Variants in RYR3 observed in about 807,000 individuals in gnomAD.
RYR3 encodes brain ryanodine receptor-calcium release channel.
In RYR3, 207 loss-of-function variants were observed where a neutral mutation model predicts 584.3. The observed-to-expected ratio is 0.35, with a 90% CI of 0.32 to 0.40. RYR3 has a LOEUF of 0.40. RYR3 is among the 10% of genes least tolerant of loss of function. The probability of loss-of-function intolerance (pLI) is 1.00; values close to 1 mark genes in which losing one functional copy is unlikely to be tolerated. For missense variants in RYR3, 5,616 were observed against 6,089.2 expected (o/e 0.92, Z 2.59); for synonymous variants, 2,416 against 2,248.5 (o/e 1.07, Z -2.11).
At chr15:33,397,888 C>T (rs1010388237) in intron 1 of RYR3, among the ~76,000 whole-genome samples, 2 of 152,040 alleles carry the variant, frequency 1.3e-5, no homozygotes, top group African/African-American at 4.8e-5. Context: ...GTAATGAGGC[C>T]TATTTGATCT....
chr15:33,662,411 C>G lies in RYR3; in HGVS notation c.4881C>G (p.Asn1627Lys), dbSNP rs377533503. Residue 1627 changes from asparagine (N) to lysine (K), a missense_variant, in exon 35 of 104, where the codon AAC (asparagine) becomes AAG (lysine). Asn to Lys is a moderately conservative substitution (Grantham distance 94). Transcript: ENST00000634891. Reference protein sequence around the residue: ...SAKERKLMMKNEYIIPITSTT... With the variant: ...SAKERKLMMKKEYIIPITSTT... Reference sequence around the variant, plus strand: ...AGGAGAGGAAGCTGATGATGAAGAACGAGTACATCATCCCCATTACCAGCA... The same window carrying G: ...AGGAGAGGAAGCTGATGATGAAGAAGGAGTACATCATCCCCATTACCAGCA... 8 of 1,613,890 alleles carry G rather than the reference C, an allele frequency of 5.0e-6. No homozygotes were observed. In the Middle Eastern group the frequency reaches 4.9e-4, roughly 100 times the overall value.
chr15:33,378,641 G>A (rs1007985109), intron 1 of RYR3, among the ~76,000 whole-genome samples: 2 of 152,236 alleles, frequency 1.3e-5, no homozygotes, highest in African/African-American at 4.8e-5. Context: ...GTCATCAGAA[G>A]TTATTATTAG....
chr15:33,425,864 A>G (rs2596225), intron 1 of RYR3, among the ~76,000 whole-genome samples: 115,698 of 151,822 alleles, frequency 0.76, 44,901 homozygotes, highest in African/African-American at 0.92. Context: ...GGATGGTCTC[A>G]ATCTCCTGAC....
At chr15:33,433,505 T>C (rs1481303308) in intron 1 of RYR3, among the ~76,000 whole-genome samples, 1 of 152,154 alleles carries the variant, frequency 6.6e-6, no homozygotes, top group Non-Finnish European at 1.5e-5. Context: ...CTCAAAGAAA[T>C]TAAAGGACAA....
At chr15:33,566,021 G>A (rs976795530) in intron 11 of RYR3, among the ~76,000 whole-genome samples, 3 of 152,218 alleles carry the variant, frequency 2.0e-5, no homozygotes, top group Non-Finnish European at 4.4e-5. Context: ...TCTATTTGCA[G>A]ATGGTGAAAT....
At position 33,812,023 on chromosome 15, in the gene RYR3, C is replaced by T. The variant is rs115101128; in HGVS notation, c.10258-840C>T. On this transcript the variant is annotated intron_variant, in intron 72 of 103. Transcript: ENST00000634891. Reference sequence around the variant, plus strand: ...AAAAAAAGGCAATAAAAAGAAATCTCTAGGGCCAGAAAAAAAATCTTAGGG... The same window carrying T: ...AAAAAAAGGCAATAAAAAGAAATCTTTAGGGCCAGAAAAAAAATCTTAGGG... 4.2e-3 allele frequency among the ~76,000 whole-genome samples: 636 copies of T among 152,048 alleles called. 5 individuals carry two copies. The highest frequency in any genetic ancestry group is 0.015 in the African/African-American group (617 of 41,482).
chr15:33,658,542 G>A (rs375321552), intron 32 of RYR3, among the ~76,000 whole-genome samples: 53 of 152,218 alleles, frequency 3.5e-4, no homozygotes, highest in African/African-American at 1.2e-3. Flanking sequence ...GGTCACCTTA[G>A]GGTATGTCCA....
chr15:33,575,847 T>TA (rs200530324), intron 12 of RYR3, among the ~76,000 whole-genome samples: 1 of 149,318 alleles, frequency 6.7e-6, no homozygotes. Flanking sequence ...AAAAAAAAAA[T>TA]TAATAAAATA....
intron 64 of RYR3, among the ~76,000 whole-genome samples, chr15:33,775,977 G>A (rs1000058988): frequency 6.6e-5 from 10 of 152,242 alleles, no homozygotes; most frequent in Non-Finnish European, 1.0e-4. Context: ...CAGAGTTACC[G>A]TACATTTTCC....
chr15:33,854,466 G>GA lies in RYR3; in HGVS notation c.13860+22dup. 2 of 1,549,800 alleles carry GA rather than the reference G, an allele frequency of 1.3e-6. No homozygotes were observed. Among genetic ancestry groups the GA allele is most frequent in the African/African-American group, 1.4e-5 (1 of 72,338 alleles). On this transcript the variant is annotated intron_variant, in intron 97 of 103. Coordinates refer to ENST00000634891, the MANE Select transcript of RYR3 (RefSeq NM_001036.6). ...ACTGACAACGTAAGTACTGCACCTG[G>GA]AAAAACAAAATTCTATACCCCAGTT...
At position 33,755,071 on chromosome 15, in the gene RYR3, G is replaced by A. The variant is rs1230642335; in HGVS notation, c.8406G>A (p.Met2802Ile). The A allele has an allele frequency of 1.2e-6, 2 of 1,605,290 alleles. No homozygotes were observed. The highest frequency in any genetic ancestry group is 1.7e-6 in the Non-Finnish European group (2 of 1,172,754). The change falls in exon 58 of 104, where the codon ATG becomes ATA. Residue 2802 changes from methionine to isoleucine, a missense_variant. Met to Ile is a conservative substitution (Grantham distance 10, BLOSUM62 1). Around this residue, in one of 9 missense-constraint regions of RYR3, gnomAD observed 1,280 missense variants for 1,426.2 expected, o/e 0.90. Transcript: ENST00000634891. ...QVNGIIVSRG[M>I]KDMELDASSM... ...CTGTCCATGTCCAACGTAGGGGTAT[G>A]AAGGATATGGAGCTGGATGCCTCCT...
At chr15:33,736,528 C>T (rs1205773108) in intron 49 of RYR3, among the ~76,000 whole-genome samples, 6 of 152,140 alleles carry the variant, frequency 3.9e-5, no homozygotes, top group Non-Finnish European at 8.8e-5. Context: ...CTCCAATTTT[C>T]TTTAACTGCT....
intron 49 of RYR3, among the ~76,000 whole-genome samples, chr15:33,736,807 G>A (rs934621067): frequency 6.6e-6 from 1 of 151,716 alleles, no homozygotes; most frequent in Non-Finnish European, 1.5e-5. Context: ...GAAGTGCAGT[G>A]GTGAGATCTC....
chr15:33,552,029 C>T (rs534086713), intron 10 of RYR3, among the ~76,000 whole-genome samples: 16 of 152,160 alleles, frequency 1.1e-4, no homozygotes, highest in Non-Finnish European at 2.4e-4. Flanking sequence ...TGGCCCTTTC[C>T]TTATTTGAGC....
At chr15:33,557,866 T>G (rs11635764) in intron 10 of RYR3, among the ~76,000 whole-genome samples, 106,147 of 152,066 alleles carry the variant, frequency 0.7, 39,073 homozygotes, top group Middle Eastern at 0.85. Flanking sequence ...TAAGCTGTCA[T>G]TGGAGGCAGA....
intron 38 of RYR3, among the ~76,000 whole-genome samples, chr15:33,676,165 A>C (rs1441863629): frequency 6.6e-6 from 1 of 152,094 alleles, no homozygotes; most frequent in East Asian, 1.9e-4. Context: ...AGAGATATGC[A>C]ACATGAAAAG....
intron 103 of RYR3, chr15:33,864,637 A>C (rs1889823350): frequency 5.7e-6 from 1 of 174,316 alleles, no homozygotes; most frequent in African/African-American, 2.4e-5. Flanking sequence ...TTTGTGACTA[A>C]ATGTGAAAAA....
intron 1 of RYR3, among the ~76,000 whole-genome samples, chr15:33,356,261 C>T (rs1301338581): frequency 2.0e-5 from 3 of 152,104 alleles, no homozygotes; most frequent in Non-Finnish European, 4.4e-5. Context: ...TCTCTTAAAG[C>T]AGAATAACTG....
intron 1 of RYR3, among the ~76,000 whole-genome samples, chr15:33,318,978 A>G (rs1381068341): frequency 6.6e-6 from 1 of 152,204 alleles, no homozygotes; most frequent in Non-Finnish European, 1.5e-5. Context: ...TCCTATAGCA[A>G]AAAAGGGAAA....
Sources: gnomAD v4.1 joint callset for allele counts (sites outside exome capture counted in the v4.1 genomes callset) on GRCh38, gnomAD v4.1.1 for gene constraint, gnomAD v4.1.1 regional missense constraint, MANE v1.5 for transcripts, NCBI Gene and HGNC (gene_info 2026-07-23, HGNC 2026-07-21) for gene names.